Variants in ST8SIA1 observed in about 807,000 individuals in gnomAD.
ST8SIA1 encodes the protein ST8 alpha-N-acetyl-neuraminide alpha-2,8-sialyltransferase 1.
In ST8SIA1, 16 loss-of-function variants were observed where a neutral mutation model predicts 35.9. The observed-to-expected ratio is 0.45, with a 90% CI of 0.30 to 0.68. The LOEUF (loss-of-function observed/expected upper bound fraction) is 0.68, where lower values mean the gene tolerates loss of function less well. Ranked by LOEUF, ST8SIA1 falls within the 30% of genes least tolerant of loss-of-function variation. The pLI is 0.09. For synonymous variants in ST8SIA1, 170 were observed against 169.6 expected (o/e 1.00, Z -0.02); for missense variants, 383 against 453.6 (o/e 0.84, Z 1.41).
chr12:22,321,003 G>GAAAGAAAGAAAGAAGAAAGAAAGAAAGA (rs377218947), intron 1 of ST8SIA1, among the ~76,000 whole-genome samples: 2 of 76,562 alleles, frequency 2.6e-5, no homozygotes, highest in Admixed American at 1.6e-4. Context: ...AAGAAAGAAA[G>GAAAGAAAGAAAGAAGAAAGAAAGAAAGA]AAGAAAGAAA....
At chr12:22,268,745 A>C (rs894541116) in intron 2 of ST8SIA1, 3 of 152,120 alleles carry the variant, frequency 2.0e-5, no homozygotes, top group Non-Finnish European at 2.9e-5. Flanking sequence ...ATTACATTCC[A>C]CCTGGTCCCT....
chr12:22,266,860 C>T (rs201840036), intron 2 of ST8SIA1, among the ~76,000 whole-genome samples: 4,154 of 150,064 alleles, frequency 0.028, 143 homozygotes, highest in East Asian at 0.15. Context: ...CACACACACA[C>T]ACACACACAC....
intron 4 of ST8SIA1, among the ~76,000 whole-genome samples, chr12:22,217,665 A>G (rs938391525): frequency 8.5e-5 from 13 of 152,244 alleles, no homozygotes; most frequent in Admixed American, 6.5e-4. Context: ...AGATGAGTTC[A>G]TATGTATAAC....
At chr12:22,251,995 G>A (rs1278336389) in intron 3 of ST8SIA1, among the ~76,000 whole-genome samples, 1 of 152,146 alleles carries the variant, frequency 6.6e-6, no homozygotes, top group Non-Finnish European at 1.5e-5. Flanking sequence ...TCCTTTTGAG[G>A]ATGCAATCCC....
intron 1 of ST8SIA1, among the ~76,000 whole-genome samples, chr12:22,323,991 G>C (rs1296719308): frequency 6.6e-6 from 1 of 151,502 alleles, no homozygotes; most frequent in Non-Finnish European, 1.5e-5. Flanking sequence ...TACTGCACAT[G>C]TACCCCTGAA....
intron 4 of ST8SIA1, among the ~76,000 whole-genome samples, chr12:22,215,626 C>A (rs1253356414): frequency 1.3e-5 from 2 of 151,672 alleles, no homozygotes; most frequent in Admixed American, 1.3e-4. Flanking sequence ...CTCAAACTCA[C>A]AACTTTCCTC....
At chr12:22,245,558 T>C (rs184476578) in intron 4 of ST8SIA1, among the ~76,000 whole-genome samples, 1 of 152,376 alleles carries the variant, frequency 6.6e-6, no homozygotes, top group Admixed American at 6.5e-5. Context: ...ACATGAATCA[T>C]GGAGAAAGAT....
At chr12:22,212,653 G>A (rs538749534) in intron 4 of ST8SIA1, among the ~76,000 whole-genome samples, 4 of 152,268 alleles carry the variant, frequency 2.6e-5, no homozygotes, top group African/African-American at 7.2e-5. Context: ...TCTTCACCTC[G>A]CAAGCTAACT....
chr12:22,329,023 C>T (rs1396800937), intron 1 of ST8SIA1, among the ~76,000 whole-genome samples: 1 of 152,144 alleles, frequency 6.6e-6, no homozygotes, highest in Non-Finnish European at 1.5e-5. Context: ...GCCTTCAAGT[C>T]AAGTCATTCC....
chr12:22,239,794 G>A (rs1277246181), intron 4 of ST8SIA1, among the ~76,000 whole-genome samples: 1 of 152,138 alleles, frequency 6.6e-6, no homozygotes, highest in Non-Finnish European at 1.5e-5. Flanking sequence ...GTGTGCTTCT[G>A]TTGGAAGCCA....
In ST8SIA1 at chr12:22,201,981, G is replaced by T. The variant is rs1214647343; in HGVS notation, c.642C>A (p.Asn214Lys). ...AGGCAGGCATGTAGATGTAACTGTG[G>T]TTATAAATTTTCATGTTGTCCACAA... is the stretch of plus-strand genomic sequence containing the variant. ...KTFVDNMKIYNHSYIYMPAFS... is the reference protein window; with the variant it reads ...KTFVDNMKIYKHSYIYMPAFS... The change falls in exon 5 of 5, where the codon AAC (asparagine) becomes AAA (lysine). Residue 214 changes from asparagine (N) to lysine (K), a missense_variant. By Grantham distance (94) the Asn-to-Lys change is moderately conservative (BLOSUM62 0). Coordinates refer to ENST00000396037, the MANE Select transcript of ST8SIA1 (RefSeq NM_003034.4). 6.2e-6 allele frequency: 10 copies of T among 1,613,568 alleles called. No homozygotes were observed. The highest frequency in any genetic ancestry group is 5.0e-5 in the Admixed American group (3 of 59,948).
chr12:22,202,618 T>A (rs961458451), intron 4 of ST8SIA1, among the ~76,000 whole-genome samples: 1 of 152,274 alleles, frequency 6.6e-6, no homozygotes, highest in Non-Finnish European at 1.5e-5. Context: ...TCTACTTTCC[T>A]ATGTTCTTTC....
Position 22,334,141 on chromosome 12 carries a change from C to A in ST8SIA1, c.92G>T (p.Gly31Val). ...GACCACGACACAGAGGGCACTGGCT[C>A]CCATGGGCAGCCGGGTCCGCGGGAA... ...WKFPRTRLPM[G>V]ASALCVVVLC... The change falls in exon 1 of 5, where the codon GGA (glycine) becomes GTA (valine). Residue 31 changes from glycine to valine, a missense_variant. Coordinates refer to ENST00000396037, the MANE Select transcript of ST8SIA1 (RefSeq NM_003034.4). The A allele has an allele frequency of 6.2e-7, 1 of 1,614,140 alleles. No homozygotes were observed. The highest frequency in any genetic ancestry group is 8.5e-7 in the Non-Finnish European group (1 of 1,180,022).
At chr12:22,276,153 C>T (rs1478773526) in intron 2 of ST8SIA1, among the ~76,000 whole-genome samples, 1 of 152,212 alleles carries the variant, frequency 6.6e-6, no homozygotes, top group African/African-American at 2.4e-5. Flanking sequence ...CAAAACATTA[C>T]ACAACCCAGC....
intron 4 of ST8SIA1, among the ~76,000 whole-genome samples, chr12:22,243,051 AT>A (rs1400191492): frequency 1.3e-5 from 2 of 152,220 alleles, no homozygotes; most frequent in Admixed American, 1.3e-4. Flanking sequence ...AGATAGAGTA[AT>A]AAGTATTGCC....
rs188782387 is a variant in ST8SIA1, at chr12:22,301,936, G to A, written c.237-14643C>T. On this transcript the variant is annotated intron_variant, in intron 1 of 4. Transcript: ENST00000396037. ...AAATCTTATCTGAGATTCCTTTTATGGAACAAAGTTCCATCAAAGCCAATA... is the reference window on the plus strand; with the variant it reads ...AAATCTTATCTGAGATTCCTTTTATAGAACAAAGTTCCATCAAAGCCAATA... Among the ~76,000 whole-genome samples, 6 of 152,088 alleles carry A rather than the reference G, an allele frequency of 3.9e-5. No homozygotes were observed. In the East Asian group the frequency reaches 1.2e-3, roughly 29 times the overall value.
In ST8SIA1 at chr12:22,195,641, A is replaced by G. The variant is rs936094278; in HGVS notation, c.*5911T>C. 2 of 152,122 alleles carry G rather than the reference A, an allele frequency of 1.3e-5. No individual in the cohort carries two copies. The highest frequency in any genetic ancestry group is 4.8e-5 in the African/African-American group (2 of 41,426). 9.4% of individuals were successfully genotyped at this position (152,122 alleles called of 1,614,324 possible). A position where few individuals can be genotyped will look rare whatever the true frequency, so the allele number is the denominator to read the frequency against. On this transcript the variant is annotated 3_prime_UTR_variant, in exon 5 of 5. Transcript: ENST00000396037. ...TGGATGACAAGATATTTCCTTTAAAATATTTCAAAAAGGTTCCATTCTTGA... is the reference window on the plus strand; with the variant it reads ...TGGATGACAAGATATTTCCTTTAAAGTATTTCAAAAAGGTTCCATTCTTGA...
chr12:22,306,360 C>CT (rs958766184), intron 1 of ST8SIA1, among the ~76,000 whole-genome samples: 1 of 151,916 alleles, frequency 6.6e-6, no homozygotes, highest in African/African-American at 2.4e-5. Context: ...TTCTTTCTTT[C>CT]TTTTTTTTAG....
Position 22,237,882 on chromosome 12 carries a change from T to G in ST8SIA1, c.584+11124A>C, listed in dbSNP as rs192101454. Among the ~76,000 whole-genome samples, 162 of 152,312 alleles carry G rather than the reference T, an allele frequency of 1.1e-3. 1 individual carries two copies. Among genetic ancestry groups the G allele is most frequent in the East Asian group, 3.9e-3 (20 of 5,186 alleles). On this transcript the variant is annotated intron_variant, in intron 4 of 4. Coordinates refer to ENST00000396037, the MANE Select transcript of ST8SIA1 (RefSeq NM_003034.4). The stretch of plus-strand genomic sequence containing the variant: ...GACTTTTCAAAGTATCAACTTTGGC[T>G]TTTTGGACCCACTCTGCTGTATTTT...
Sources: gnomAD v4.1 joint callset for allele counts (sites outside exome capture counted in the v4.1 genomes callset) on GRCh38, gnomAD v4.1.1 for gene constraint, MANE v1.5 for transcripts, NCBI Gene and HGNC (gene_info 2026-07-23, HGNC 2026-07-21) for gene names.